AFG1L: variants seen among roughly 807,000 people sequenced by gnomAD.
The protein encoded by AFG1L is AFG1-like ATPase.
Under a neutral mutation model 62.2 loss-of-function variants are expected in AFG1L, and 53 were observed. The observed-to-expected ratio is 0.85, with a 90% CI of 0.68 to 1.07. The LOEUF is 1.07. AFG1L is among the 50% of genes least tolerant of loss of function. The pLI, the probability that AFG1L is intolerant of heterozygous loss-of-function variation, is 0.00. For synonymous variants in AFG1L, 228 were observed against 210.3 expected (o/e 1.08, Z -0.73); for missense variants, 555 against 590.5 (o/e 0.94, Z 0.62).
chr6:108,465,078 C>T (rs1261690827), intron 8 of AFG1L, among the ~76,000 whole-genome samples: 3 of 152,158 alleles, frequency 2.0e-5, no homozygotes, highest in Non-Finnish European at 4.4e-5. Flanking sequence ...TTATTTATTT[C>T]CACCTGATCA....
intron 3 of AFG1L, among the ~76,000 whole-genome samples, chr6:108,349,388 G>A (rs1012213837): frequency 5.9e-5 from 9 of 152,164 alleles, no homozygotes; most frequent in African/African-American, 2.2e-4. Context: ...AGAGGCTAAG[G>A]TGGGAGGATC....
intron 11 of AFG1L, among the ~76,000 whole-genome samples, chr6:108,515,510 G>A (rs1267058696): frequency 3.3e-5 from 5 of 152,104 alleles, no homozygotes; most frequent in Admixed American, 6.5e-5. Flanking sequence ...AGTGTGTAGA[G>A]GGAAATGTAT....
intron 7 of AFG1L, among the ~76,000 whole-genome samples, chr6:108,435,883 CAT>C (rs1392952900): frequency 1.3e-5 from 2 of 152,186 alleles, no homozygotes; most frequent in East Asian, 3.8e-4. Flanking sequence ...GAGCTTTACA[CAT>C]ATGTGTCTGC....
At chr6:108,341,294 A>T (rs1778673240) in intron 2 of AFG1L, among the ~76,000 whole-genome samples, 1 of 152,138 alleles carries the variant, frequency 6.6e-6, no homozygotes, top group African/African-American at 2.4e-5. Context: ...TCTTGAATGT[A>T]TTCTTGGTTT....
chr6:108,477,536 C>A (rs1294706146), intron 10 of AFG1L, among the ~76,000 whole-genome samples: 2 of 152,042 alleles, frequency 1.3e-5, no homozygotes, highest in East Asian at 1.9e-4. Context: ...TCAACTGTTG[C>A]TAGAAGCAAA....
intron 1 of AFG1L, among the ~76,000 whole-genome samples, chr6:108,308,817 T>C (rs1231779770): frequency 6.6e-6 from 1 of 152,136 alleles, no homozygotes; most frequent in Non-Finnish European, 1.5e-5. Flanking sequence ...GTGATTCTTC[T>C]GACTCAGCTT....
At chr6:108,356,667 G>A in intron 4 of AFG1L, 23 bp from the exon 5 acceptor site, 5 of 1,549,602 alleles carry the variant, frequency 3.2e-6, no homozygotes, top group Non-Finnish European at 4.4e-6. Context: ...TATTTCATCT[G>A]TGTTTAATTT....
chr6:108,412,836 G>A (rs1782177176), intron 7 of AFG1L, among the ~76,000 whole-genome samples: 1 of 152,100 alleles, frequency 6.6e-6, no homozygotes, highest in Admixed American at 6.6e-5. Flanking sequence ...GACCATCAAG[G>A]CTAGGAAGAA....
intron 1 of AFG1L, among the ~76,000 whole-genome samples, chr6:108,322,583 A>T (rs1161896567): frequency 6.6e-6 from 1 of 152,208 alleles, no homozygotes; most frequent in African/African-American, 2.4e-5. Context: ...GAAAGGTGGA[A>T]CAAATAATGG....
intron 10 of AFG1L, among the ~76,000 whole-genome samples, chr6:108,505,079 A>ATTTTTTTTTTTTTTTTT (rs34326858): frequency 1.4e-5 from 2 of 142,888 alleles, no homozygotes; most frequent in Non-Finnish European, 1.5e-5. Flanking sequence ...CTGAGCTTGG[A>ATTTTTTTTTTTTTTTTT]TTTTTTTTTT....
chr6:108,498,419 A>G (rs1167038950), intron 10 of AFG1L, among the ~76,000 whole-genome samples: 1 of 152,182 alleles, frequency 6.6e-6, no homozygotes, highest in Non-Finnish European at 1.5e-5. Flanking sequence ...TTTTTAGTTA[A>G]TCCAAGTAAA....
At position 108,323,989 on chromosome 6, in the gene AFG1L, CA is replaced by C. The variant is rs1354318385; in HGVS notation, c.305del (p.Gln102ArgfsTer12). On this transcript the variant is annotated frameshift_variant, in exon 2 of 13. Transcript: ENST00000368977. LOFTEE classifies it high-confidence loss of function. ...EHQRRVIQCL[Q>X]KLHEDLKGYN... ...TCAAAGAAGAGTCATACAGTGTTTG[CA>C]GAAATTACACGAGGACCTTAAAGGA... is the stretch of plus-strand genomic sequence containing the variant. The C allele has an allele frequency of 5.0e-6, 8 of 1,614,148 alleles. No individual in the cohort carries two copies. The highest frequency in any genetic ancestry group is 6.8e-6 in the Non-Finnish European group (8 of 1,180,002).
intron 6 of AFG1L, among the ~76,000 whole-genome samples, chr6:108,367,090 C>T (rs914094934): frequency 1.3e-5 from 2 of 152,290 alleles, no homozygotes; most frequent in East Asian, 3.9e-4. Flanking sequence ...TTACCCTGCT[C>T]TCTCTTTTAC....
intron 10 of AFG1L, among the ~76,000 whole-genome samples, chr6:108,495,905 T>TA (rs1773957853): frequency 6.6e-6 from 1 of 152,232 alleles, no homozygotes; most frequent in Admixed American, 6.5e-5. Context: ...TTAAACTTTT[T>TA]AATTGCTCAG....
chr6:108,467,277 C>T (rs1346791895), intron 8 of AFG1L, among the ~76,000 whole-genome samples: 13 of 140,210 alleles, frequency 9.3e-5, no homozygotes, highest in South Asian at 4.4e-4. Flanking sequence ...GGTGGAGTTT[C>T]GCTCTTATTG....
chr6:108,432,316 T>C (rs946477648), intron 7 of AFG1L, among the ~76,000 whole-genome samples: 11 of 152,128 alleles, frequency 7.2e-5, no homozygotes, highest in Admixed American at 6.6e-4. Flanking sequence ...CATTCTTATG[T>C]GTTTTCTCAA....
At chr6:108,368,618 A>C (rs1270175147) in intron 6 of AFG1L, among the ~76,000 whole-genome samples, 1 of 152,214 alleles carries the variant, frequency 6.6e-6, no homozygotes, top group Non-Finnish European at 1.5e-5. Flanking sequence ...GGTGGAAGTG[A>C]AACTTGTCTC....
chr6:108,389,487 A>G (rs376504911), intron 6 of AFG1L, among the ~76,000 whole-genome samples: 1 of 152,106 alleles, frequency 6.6e-6, no homozygotes, highest in South Asian at 2.1e-4. Context: ...GGTCTTTACA[A>G]TTTGGCATGA....
intron 8 of AFG1L, among the ~76,000 whole-genome samples, chr6:108,460,084 C>T (rs1772394187): frequency 6.6e-6 from 1 of 151,918 alleles, no homozygotes; most frequent in African/African-American, 2.4e-5. Flanking sequence ...AAAAAAGCTA[C>T]AGCGCAATAA....
Sources: allele counts gnomAD v4.1 joint callset (sites outside exome capture counted in the v4.1 genomes callset), GRCh38; gene constraint gnomAD v4.1.1; transcripts MANE v1.5; gene names NCBI Gene and HGNC (gene_info 2026-07-23, HGNC 2026-07-21).